The following OSBP2 variants were observed in gnomAD, a reference collection of about 807,000 sequenced individuals.
OSBP2 encodes the protein oxysterol binding protein 2, also known as oxysterol-binding protein 2.
In OSBP2, 66 loss-of-function variants were observed where a neutral mutation model predicts 96.0. The observed-to-expected ratio is 0.69, with a 90% CI of 0.56 to 0.84. The LOEUF (loss-of-function observed/expected upper bound fraction) is 0.84, where lower values mean the gene tolerates loss of function less well. OSBP2 is among the 40% of genes least tolerant of loss of function. The pLI is 0.00. For synonymous variants in OSBP2, 525 were observed against 520.9 expected, an observed-to-expected ratio of 1.01 and a Z score of -0.11; for missense variants, 1,038 against 1,222.7, an observed-to-expected ratio of 0.85 and a Z score of 2.25.
chr22:30,725,185 A>AG (rs1385760109), intron 1 of OSBP2, among the ~76,000 whole-genome samples: 9 of 94,004 alleles, frequency 9.6e-5, no homozygotes, highest in Admixed American at 8.8e-4. Context: ...CAAAAACAAA[A>AG]AAACAAAAAA....
chr22:30,770,359 G>A (rs1034658249), intron 2 of OSBP2, among the ~76,000 whole-genome samples: 2 of 152,068 alleles, frequency 1.3e-5, no homozygotes, highest in Non-Finnish European at 2.9e-5. Flanking sequence ...GCCTCCCAAA[G>A]TGCTGGGATT....
chr22:30,712,800 T>A (rs2089375083), intron 1 of OSBP2, among the ~76,000 whole-genome samples: 1 of 152,198 alleles, frequency 6.6e-6, no homozygotes, highest in Non-Finnish European at 1.5e-5. Context: ...CTCTTTATTC[T>A]TTTATTTATT....
At chr22:30,703,959 G>A (rs189385421) in intron 1 of OSBP2, among the ~76,000 whole-genome samples, 4 of 152,304 alleles carry the variant, frequency 2.6e-5, no homozygotes, top group Admixed American at 1.3e-4. Flanking sequence ...TATGCTTTCA[G>A]TGCAGGAGTG....
chr22:30,702,428 A>G (rs1410225032), intron 1 of OSBP2, among the ~76,000 whole-genome samples: 1 of 152,180 alleles, frequency 6.6e-6, no homozygotes, highest in Non-Finnish European at 1.5e-5. Flanking sequence ...AGCCTGACCA[A>G]CATGGCGAAA....
At chr22:30,733,996 A>G (rs2089816894) in intron 1 of OSBP2, among the ~76,000 whole-genome samples, 1 of 151,614 alleles carries the variant, frequency 6.6e-6, no homozygotes, top group South Asian at 2.1e-4. Flanking sequence ...TTTTTTTGAG[A>G]CGGAGTTTAG....
intron 2 of OSBP2, among the ~76,000 whole-genome samples, chr22:30,754,647 C>T (rs974325143): frequency 3.3e-5 from 5 of 152,198 alleles, no homozygotes; most frequent in African/African-American, 1.2e-4. Flanking sequence ...TTTGTGTCAC[C>T]CCCGAGGGCT....
At chr22:30,776,464 A>G (rs1474434581) in intron 2 of OSBP2, among the ~76,000 whole-genome samples, 1 of 152,150 alleles carries the variant, frequency 6.6e-6, no homozygotes, top group East Asian at 1.9e-4. Flanking sequence ...ATTTCATTAA[A>G]TAGATACAGT....
intron 1 of OSBP2, among the ~76,000 whole-genome samples, chr22:30,713,837 C>A (rs2089399971): frequency 6.6e-6 from 1 of 152,068 alleles, no homozygotes; most frequent in South Asian, 2.1e-4. Flanking sequence ...CTCATGTATA[C>A]CACGTGTAAT....
intron 2 of OSBP2, among the ~76,000 whole-genome samples, chr22:30,814,464 A>T (rs558207088): frequency 1.4e-5 from 2 of 139,546 alleles, no homozygotes; most frequent in Admixed American, 7.4e-5. Context: ...ATGGAGTCTC[A>T]CTCTGTCACC....
At chr22:30,808,822 C>T (rs1378993339) in intron 2 of OSBP2, among the ~76,000 whole-genome samples, 3 of 151,944 alleles carry the variant, frequency 2.0e-5, no homozygotes, top group South Asian at 2.1e-4. Flanking sequence ...GGCGTGGTGG[C>T]GGGTGCCTGT....
intron 1 of OSBP2, among the ~76,000 whole-genome samples, chr22:30,730,717 T>TCTCA (rs2089738276): frequency 4.8e-3 from 40 of 8,368 alleles, no homozygotes; most frequent in African/African-American, 0.015. Flanking sequence ...CGCTGCCCTG[T>TCTCA]CTCTCTCTCT....
At chr22:30,878,196 T>C (rs2039624624) in intron 3 of OSBP2, among the ~76,000 whole-genome samples, 1 of 150,942 alleles carries the variant, frequency 6.6e-6, no homozygotes, top group Non-Finnish European at 1.5e-5. Context: ...AAGGACTCAA[T>C]GCCAAGTGAC....
chr22:30,833,173 A>G (rs1238373807), intron 2 of OSBP2, among the ~76,000 whole-genome samples: 1 of 152,210 alleles, frequency 6.6e-6, no homozygotes, highest in Non-Finnish European at 1.5e-5. Context: ...TGGTACAGAC[A>G]AGGAAACTGA....
intron 2 of OSBP2, among the ~76,000 whole-genome samples, chr22:30,862,548 C>T (rs1462837468): frequency 1.3e-5 from 2 of 152,110 alleles, no homozygotes; most frequent in East Asian, 3.9e-4. Context: ...GGCCTGGTGG[C>T]ACATGCCTGT....
At chr22:30,774,585 A>G (rs891182904) in intron 2 of OSBP2, among the ~76,000 whole-genome samples, 6 of 152,264 alleles carry the variant, frequency 3.9e-5, no homozygotes, top group African/African-American at 1.4e-4. Context: ...GAAAAAGAAA[A>G]GCACAGACCG....
At chr22:30,820,395 A>G (rs1226138495) in intron 2 of OSBP2, among the ~76,000 whole-genome samples, 1 of 151,876 alleles carries the variant, frequency 6.6e-6, no homozygotes, top group African/African-American at 2.4e-5. Context: ...TCTCTAAAAA[A>G]AAAATAAAAT....
chr22:30,822,440 G>A, intron 2 of OSBP2: 2 of 1,109,260 alleles, frequency 1.8e-6, no homozygotes, highest in Non-Finnish European at 2.3e-6. Flanking sequence ...CCCGCGGCGC[G>A]GACGGGGTTA....
chr22:30,756,688 A>G (rs2090144620), intron 2 of OSBP2, among the ~76,000 whole-genome samples: 1 of 152,102 alleles, frequency 6.6e-6, no homozygotes, highest in African/African-American at 2.4e-5. Context: ...GCGAGACTCC[A>G]TTAAAAAAAC....
At chr22:30,713,656 T>A (rs2089397613) in intron 1 of OSBP2, among the ~76,000 whole-genome samples, 1 of 152,008 alleles carries the variant, frequency 6.6e-6, no homozygotes, top group Non-Finnish European at 1.5e-5. Context: ...AGATACAGGG[T>A]CTTGCTATGT....
Sources: allele counts gnomAD v4.1 joint callset (sites outside exome capture counted in the v4.1 genomes callset), GRCh38; gene constraint gnomAD v4.1.1; transcripts MANE v1.5; gene names NCBI Gene and HGNC (gene_info 2026-07-23, HGNC 2026-07-21).